HCN1: variants seen among roughly 807,000 people sequenced by gnomAD.
HCN1 encodes hyperpolarization activated cyclic nucleotide gated potassium channel 1.
Under a neutral mutation model 78.9 loss-of-function variants are expected in HCN1, and 13 were observed. The ratio of observed to expected loss-of-function variants is 0.16; its 90% CI spans 0.11 to 0.26. The LOEUF (loss-of-function observed/expected upper bound fraction) is 0.26. Among genes scored for constraint, HCN1 ranks in the 10% least tolerant of loss-of-function variants. The pLI, the probability that HCN1 is intolerant of heterozygous loss-of-function variation, is 1.00. For synonymous variants in HCN1, 552 were observed against 455.5 expected, an observed-to-expected ratio of 1.21 and a Z score of -2.70; for missense variants, 810 against 1,154.3, an observed-to-expected ratio of 0.70 and a Z score of 4.32.
At chr5:45,368,987 C>A (rs545758349) in intron 4 of HCN1, among the ~76,000 whole-genome samples, 47 of 152,056 alleles carry the variant, frequency 3.1e-4, no homozygotes, top group Non-Finnish European at 4.4e-5. Context: ...ATAGCTAGGT[C>A]ATATTCCCTC....
intron 5 of HCN1, among the ~76,000 whole-genome samples, chr5:45,304,731 A>G (rs999522733): frequency 6.6e-6 from 1 of 152,094 alleles, no homozygotes. Context: ...TAGAATCAGA[A>G]ATCATTCTTT....
intron 4 of HCN1, among the ~76,000 whole-genome samples, chr5:45,376,815 T>G (rs554001641): frequency 6.6e-6 from 1 of 152,120 alleles, no homozygotes; most frequent in Non-Finnish European, 1.5e-5. Context: ...CTGTGAATTA[T>G]CTGTCATATA....
intron 2 of HCN1, among the ~76,000 whole-genome samples, chr5:45,602,356 A>C (rs938645834): frequency 6.6e-6 from 1 of 152,098 alleles, no homozygotes; most frequent in African/African-American, 2.4e-5. Context: ...TGGACACACA[A>C]AGAGACGTCA....
At position 45,611,052 on chromosome 5, in the gene HCN1, C is replaced by A. The variant is rs559988897; in HGVS notation, c.849+34133G>T. 4.2e-3 allele frequency among the ~76,000 whole-genome samples: 509 copies of A among 120,790 alleles called. 5 individuals carry two copies. Among genetic ancestry groups the A allele is most frequent in the Non-Finnish European group, 6.7e-3 (395 of 59,372 alleles). The allele number at this position is 120,790 out of a possible 152,430, so 79.2% of individuals were successfully genotyped here. ...GAAATTTAAGTCCTACTATTAAATT[C>A]TTTTCTTTTTTTTTTTTTGACAGAG... is the stretch of plus-strand genomic sequence containing the variant. On this transcript the variant is annotated intron_variant, in intron 2 of 7. Transcript: ENST00000303230.
intron 1 of HCN1, among the ~76,000 whole-genome samples, chr5:45,652,926 A>G (rs1745704451): frequency 6.6e-6 from 1 of 151,910 alleles, no homozygotes; most frequent in Non-Finnish European, 1.5e-5. Context: ...ATCATCCTGG[A>G]TGAAGTTCTT....
At chr5:45,383,721 T>C (rs1272396367) in intron 4 of HCN1, among the ~76,000 whole-genome samples, 1 of 134,412 alleles carries the variant, frequency 7.4e-6, no homozygotes, top group African/African-American at 3.2e-5. Context: ...AGATTCTGTT[T>C]CAAAAAAAAA....
chr5:45,494,825 C>G (rs1171184852), intron 2 of HCN1, among the ~76,000 whole-genome samples: 1 of 152,174 alleles, frequency 6.6e-6, no homozygotes, highest in Non-Finnish European at 1.5e-5. Flanking sequence ...TATGGCTAGC[C>G]AGTTTTCTCA....
chr5:45,624,104 C>T (rs1192545500), intron 2 of HCN1, among the ~76,000 whole-genome samples: 3 of 152,054 alleles, frequency 2.0e-5, no homozygotes, highest in African/African-American at 7.2e-5. Flanking sequence ...ATAGAGGTAG[C>T]CAAGTCAGAT....
At chr5:45,588,677 C>G (rs914331147) in intron 2 of HCN1, among the ~76,000 whole-genome samples, 2 of 152,136 alleles carry the variant, frequency 1.3e-5, no homozygotes, top group African/African-American at 4.8e-5. Flanking sequence ...TAGGAGTCAC[C>G]CCCTCCAGGA....
intron 2 of HCN1, among the ~76,000 whole-genome samples, chr5:45,490,744 T>C (rs1487468347): frequency 6.6e-6 from 1 of 152,158 alleles, no homozygotes; most frequent in East Asian, 1.9e-4. Context: ...GTACTCACAA[T>C]TTTTTTAAAT....
At chr5:45,463,408 G>A (rs750997665) in intron 2 of HCN1, among the ~76,000 whole-genome samples, 5 of 151,630 alleles carry the variant, frequency 3.3e-5, no homozygotes, top group South Asian at 2.1e-4. Flanking sequence ...GATTTTTTTC[G>A]TGGGAATATA....
intron 6 of HCN1, among the ~76,000 whole-genome samples, chr5:45,296,047 G>T (rs1423193312): frequency 6.6e-6 from 1 of 151,834 alleles, no homozygotes; most frequent in Non-Finnish European, 1.5e-5. Context: ...TGTGCTTCTG[G>T]TACCCTTGAG....
At position 45,262,634 on chromosome 5, in the gene HCN1, T is replaced by C. The variant is rs1744773562; in HGVS notation, c.1960A>G (p.Thr654Ala). Reference protein sequence around the residue: ...MTTLNSTSSTTTPTSRMRTQS... With the variant: ...MTTLNSTSSTATPTSRMRTQS... ...GTCCTCATGCGGGAGGTCGGGGTCG[T>C]AGTAGACGATGTGGAATTCAGGGTT... The change falls in exon 8 of 8, where the codon ACG becomes GCG. Residue 654 changes from threonine (T) to alanine (A), a missense_variant. Around this residue, in one of 6 missense-constraint regions of HCN1, gnomAD observed 398 missense variants for 381.3 expected, o/e 1.04. Transcript: ENST00000303230. 1 of 1,613,926 alleles carries C rather than the reference T, an allele frequency of 6.2e-7. No individual in the cohort carries two copies. The highest frequency in any genetic ancestry group is 1.1e-5 in the South Asian group (1 of 91,060).
rs1357059671 is a variant in HCN1 at position 45,476,755 on chromosome 5, TG to T, written c.850-14749del. On this transcript the variant is annotated intron_variant, in intron 2 of 7. Transcript: ENST00000303230. ...GCTGAGGATCTCTAATATGAAAATCTGAAATGCTCCAAAATCCAAAACATTT... is the reference window on the plus strand; with the variant it reads ...GCTGAGGATCTCTAATATGAAAATCTAAATGCTCCAAAATCCAAAACATTT... Among the ~76,000 whole-genome samples, 5 of 152,246 alleles carry T rather than the reference TG, an allele frequency of 3.3e-5. No individual in the cohort carries two copies. The South Asian group carries it at 8.3e-4, about 25-fold the overall frequency.
intron 4 of HCN1, among the ~76,000 whole-genome samples, chr5:45,354,874 T>G (rs1383911247): frequency 6.6e-6 from 1 of 152,008 alleles, no homozygotes; most frequent in Non-Finnish European, 1.5e-5. Context: ...ATCTCAGAAA[T>G]ATGAAGAGCA....
At chr5:45,399,170 TCTC>T (rs1739746095) in intron 3 of HCN1, among the ~76,000 whole-genome samples, 1 of 152,174 alleles carries the variant, frequency 6.6e-6, no homozygotes, top group South Asian at 2.1e-4. Context: ...TGCTGCTGCT[TCTC>T]CTGCTGCTAC....
chr5:45,332,434 C>A (rs531449054), intron 5 of HCN1, among the ~76,000 whole-genome samples: 3 of 151,070 alleles, frequency 2.0e-5, no homozygotes, highest in African/African-American at 7.3e-5. Flanking sequence ...CTTATTCATT[C>A]TTTCTATTTT....
chr5:45,382,985 A>G (rs951700686), intron 4 of HCN1, among the ~76,000 whole-genome samples: 1 of 152,156 alleles, frequency 6.6e-6, no homozygotes, highest in African/African-American at 2.4e-5. Flanking sequence ...ATGTGAATTA[A>G]TTGAGATTAA....
At chr5:45,439,937 T>C (rs1030726069) in intron 3 of HCN1, among the ~76,000 whole-genome samples, 20 of 148,788 alleles carry the variant, frequency 1.3e-4, no homozygotes, top group African/African-American at 4.6e-4. Flanking sequence ...ATATTGTATG[T>C]AATTATAAAA....
Sources: allele counts gnomAD v4.1 joint callset (sites outside exome capture counted in the v4.1 genomes callset), GRCh38; gene constraint gnomAD v4.1.1; regional missense constraint gnomAD v4.1.1; transcripts MANE v1.5; gene names NCBI Gene and HGNC (gene_info 2026-07-23, HGNC 2026-07-21).